The following RBFOX1 variants were observed in gnomAD, a reference collection of about 807,000 sequenced individuals.
RBFOX1 encodes the protein RNA binding protein fox-1 homolog 1.
RBFOX1 carries 8 observed loss-of-function variants against 57.7 expected under a neutral mutation model. The ratio of observed to expected loss-of-function variants is 0.14; its 90% CI spans 0.08 to 0.25. The LOEUF is 0.25. Ranked by LOEUF, RBFOX1 falls within the 10% of genes least tolerant of loss-of-function variation. The pLI is 1.00. For synonymous variants in RBFOX1, 326 were observed against 222.4 expected, an observed-to-expected ratio of 1.47 and a Z score of -4.15; for missense variants, 611 against 548.5, an observed-to-expected ratio of 1.11 and a Z score of -1.14.
At position 7,344,634 on chromosome 16, in the gene RBFOX1, T is replaced by C. The variant is rs189639993; in HGVS notation, c.28-173513T>C. ...CTTGCTACTATGACAAGTTACTCCA[T>C]TGGGGATTTTTTCCTAAATAATTTC... On this transcript the variant is annotated intron_variant, in intron 4 of 15. Coordinates refer to ENST00000550418, the MANE Select transcript of RBFOX1 (RefSeq NM_018723.4). Among the ~76,000 whole-genome samples, 14 of 152,064 alleles carry C rather than the reference T, an allele frequency of 9.2e-5. No individual in the cohort carries two copies. In the East Asian group the frequency reaches 1.9e-3, roughly 21 times the overall value.
At chr16:6,324,526 G>A (rs1259672492) in intron 2 of RBFOX1, among the ~76,000 whole-genome samples, 1 of 152,266 alleles carries the variant, frequency 6.6e-6, no homozygotes, top group Admixed American at 6.5e-5. Context: ...GCCAGAGCAG[G>A]AACAAGAGAG....
chr16:6,228,555 C>G (rs1376414863), intron 1 of RBFOX1, among the ~76,000 whole-genome samples: 4 of 152,032 alleles, frequency 2.6e-5, no homozygotes, highest in South Asian at 2.1e-4. Flanking sequence ...CTGAACTAAG[C>G]CAGACATAGA....
At chr16:7,589,693 A>G (rs552025330) in intron 7 of RBFOX1, among the ~76,000 whole-genome samples, 1 of 151,834 alleles carries the variant, frequency 6.6e-6, no homozygotes, top group Admixed American at 6.5e-5. Flanking sequence ...CATAGTTGAC[A>G]TTATCCTTTA....
intron 1 of RBFOX1, among the ~76,000 whole-genome samples, chr16:5,280,141 T>G (rs2063236909): frequency 6.6e-6 from 1 of 152,248 alleles, no homozygotes; most frequent in African/African-American, 2.4e-5. Flanking sequence ...GTTTTCATTA[T>G]GAAGGAATGG....
chr16:7,259,741 A>C (rs957884425), intron 4 of RBFOX1, among the ~76,000 whole-genome samples: 1 of 152,202 alleles, frequency 6.6e-6, no homozygotes, highest in African/African-American at 2.4e-5. Flanking sequence ...TAACAATGCC[A>C]CATGCTTTAT....
intron 4 of RBFOX1, among the ~76,000 whole-genome samples, chr16:5,962,072 C>T (rs531843402): frequency 6.6e-6 from 1 of 152,254 alleles, no homozygotes; most frequent in Non-Finnish European, 1.5e-5. Flanking sequence ...CCTGGAGATC[C>T]AGCCATCGCT....
At chr16:6,109,733 A>G (rs1000807410) in intron 1 of RBFOX1, among the ~76,000 whole-genome samples, 1 of 152,224 alleles carries the variant, frequency 6.6e-6, no homozygotes, top group African/African-American at 2.4e-5. Context: ...ATATTTTATC[A>G]GTATTATTAA....
intron 1 of RBFOX1, among the ~76,000 whole-genome samples, chr16:6,032,595 T>C (rs1041968910): frequency 6.6e-6 from 1 of 152,196 alleles, no homozygotes. Flanking sequence ...GAGCAGTGTC[T>C]GGAACAAATG....
At chr16:6,644,875 C>T (rs1001903956) in intron 2 of RBFOX1, among the ~76,000 whole-genome samples, 1 of 152,198 alleles carries the variant, frequency 6.6e-6, no homozygotes, top group South Asian at 2.1e-4. Context: ...AGTAGCCAAG[C>T]ATCCTGCAAG....
chr16:7,422,110 G>T (rs1177492933), intron 4 of RBFOX1, among the ~76,000 whole-genome samples: 1 of 152,174 alleles, frequency 6.6e-6, no homozygotes, highest in Non-Finnish European at 1.5e-5. Context: ...CTTTGGTCGA[G>T]CCTGTGATTC....
At chr16:5,270,750 C>T (rs62021068) in intron 1 of RBFOX1, 20 of 473,996 alleles carry the variant, frequency 4.2e-5, no homozygotes, top group African/African-American at 2.2e-4. Flanking sequence ...CAGATAACAT[C>T]GGAAAAGATG....
intron 3 of RBFOX1, among the ~76,000 whole-genome samples, chr16:6,751,857 C>T (rs559366255): frequency 6.6e-6 from 1 of 152,280 alleles, no homozygotes; most frequent in Admixed American, 6.5e-5. Context: ...CTTGGACTTA[C>T]ATAATTGAAT....
At chr16:7,045,082 A>ATC (rs1256728899) in intron 3 of RBFOX1, among the ~76,000 whole-genome samples, 2 of 152,134 alleles carry the variant, frequency 1.3e-5, no homozygotes, top group African/African-American at 4.8e-5. Context: ...GAAAGCATGG[A>ATC]TCTGCATTCG....
At chr16:5,290,702 T>C (rs1596410499) in intron 1 of RBFOX1, among the ~76,000 whole-genome samples, 1 of 20,244 alleles carries the variant, frequency 4.9e-5, no homozygotes, top group Admixed American at 2.8e-4. Context: ...TTTAAGGGAC[T>C]TTTTTTTTTT....
chr16:6,850,875 A>T (rs2094022985), intron 3 of RBFOX1, among the ~76,000 whole-genome samples: 1 of 152,206 alleles, frequency 6.6e-6, no homozygotes, highest in Non-Finnish European at 1.5e-5. Context: ...ACACTTGGGC[A>T]TTTATCCCAG....
At chr16:7,165,193 C>A (rs1048134707) in intron 4 of RBFOX1, among the ~76,000 whole-genome samples, 2 of 151,930 alleles carry the variant, frequency 1.3e-5, no homozygotes, top group African/African-American at 4.8e-5. Context: ...AAGGGATTAG[C>A]AAGACAGTCT....
intron 4 of RBFOX1, among the ~76,000 whole-genome samples, chr16:7,337,927 C>T (rs151141997): frequency 5.6e-4 from 85 of 152,348 alleles, no homozygotes; most frequent in African/African-American, 1.8e-3. Flanking sequence ...TCATGATCTG[C>T]CCGCCTTGGC....
chr16:7,027,513 C>G (rs982699053), intron 3 of RBFOX1, among the ~76,000 whole-genome samples: 7 of 87,958 alleles, frequency 8.0e-5, no homozygotes, highest in African/African-American at 3.0e-4. Context: ...CTCAAGCAGT[C>G]TGGCTTCAGG....
chr16:6,517,159 T>A (rs1474354990), intron 2 of RBFOX1, among the ~76,000 whole-genome samples: 3 of 152,170 alleles, frequency 2.0e-5, no homozygotes, highest in African/African-American at 7.2e-5. Flanking sequence ...TGCTGGTTCC[T>A]AATTTAGGTC....
Sources: allele counts gnomAD v4.1 joint callset (sites outside exome capture counted in the v4.1 genomes callset), GRCh38; gene constraint gnomAD v4.1.1; transcripts MANE v1.5; gene names NCBI Gene and HGNC (gene_info 2026-07-23, HGNC 2026-07-21).